Variants in FRMPD4 observed in about 807,000 individuals in gnomAD.
The protein encoded by FRMPD4 is FERM and PDZ domain containing 4, also known as FERM and PDZ domain-containing protein 4.
Under a neutral mutation model 94.1 loss-of-function variants are expected in FRMPD4, and 22 were observed. The observed-to-expected ratio is 0.23, with a 90% confidence interval of 0.17 to 0.33. The LOEUF (loss-of-function observed/expected upper bound fraction) is 0.33. FRMPD4 is among the 10% of genes least tolerant of loss of function. The pLI is 1.00. For synonymous variants in FRMPD4, 631 were observed against 548.6 expected (o/e 1.15, Z -2.10); for missense variants, 1,111 against 1,339.9 (o/e 0.83, Z 2.67).
At chrX:12,646,315 A>T (rs1361986460) in intron 4 of FRMPD4, among the ~76,000 whole-genome samples, 2 of 112,196 alleles carry the variant, frequency 1.8e-5, no homozygotes, top group Admixed American at 9.5e-5. Context: ...TTGCAGGGTT[A>T]GTGTGCCCCA....
At chrX:11,922,050 A>C (rs1461286213) in intron 3 of FRMPD4, among the ~76,000 whole-genome samples, 1 of 112,060 alleles carries the variant, frequency 8.9e-6, no homozygotes, top group Non-Finnish European at 1.9e-5. Context: ...CTCTGTCTTC[A>C]TTTCTTTGAT....
At chrX:12,532,181 A>T (rs2058292569) in intron 2 of FRMPD4, among the ~76,000 whole-genome samples, 1 of 112,327 alleles carries the variant, frequency 8.9e-6, no homozygotes, top group Non-Finnish European at 1.9e-5. Flanking sequence ...GCTGCTGAAC[A>T]ATTGCATGAC....
At chrX:11,949,406 A>C (rs1006166416) in intron 3 of FRMPD4, among the ~76,000 whole-genome samples, 2 of 111,942 alleles carry the variant, frequency 1.8e-5, no homozygotes, top group Non-Finnish European at 3.8e-5. Flanking sequence ...GAAACTTGAA[A>C]CTTCCTGAGC....
intron 3 of FRMPD4, chrX:12,054,793 A>T (rs2054844662): frequency 8.9e-6 from 1 of 112,167 alleles, no homozygotes; most frequent in Non-Finnish European, 1.9e-5. Context: ...TTTTTTAAGT[A>T]ATCTAAAATA....
chrX:12,717,938 G>C lies in FRMPD4; in HGVS notation c.3112G>C (p.Ala1038Pro), dbSNP rs775523787. ...KSKLADGEGK[A>P]PPNGNTTGKK... is the part of the protein sequence containing the mutation. ...CAAGCTGGCCGATGGTGAGGGGAAG[G>C]CACCCCCTAATGGGAACACAACAGG... Residue 1038 changes from alanine (A) to proline (P), a missense_variant, in exon 16 of 17, where the codon GCA becomes CCA. By Grantham distance (27) the Ala-to-Pro change is conservative. Coordinates refer to ENST00000675598, the MANE Select transcript of FRMPD4 (RefSeq NM_001368397.1). 8.3e-7 allele frequency: 1 copy of C among 1,210,464 alleles called. No individual in the cohort carries two copies. The highest frequency in any genetic ancestry group is 2.2e-5 in the Admixed American group (1 of 46,101).
chrX:12,368,358 G>A (rs1159374387), intron 1 of FRMPD4, among the ~76,000 whole-genome samples: 1 of 112,102 alleles, frequency 8.9e-6, no homozygotes, highest in Non-Finnish European at 1.9e-5. Flanking sequence ...TGAATATAAT[G>A]TACCACCAAA....
intron 1 of FRMPD4, among the ~76,000 whole-genome samples, chrX:12,333,859 T>C (rs2055473676): frequency 8.9e-6 from 1 of 111,905 alleles, no homozygotes; most frequent in South Asian, 3.7e-4. Flanking sequence ...TTGGTGGCTA[T>C]CTCCAAATTG....
intron 3 of FRMPD4, among the ~76,000 whole-genome samples, chrX:11,993,290 T>C (rs1601874526): frequency 9.0e-6 from 1 of 111,022 alleles, no homozygotes; most frequent in East Asian, 2.9e-4. Context: ...GGGCCATGAA[T>C]AGGAATTCTA....
chrX:12,231,002 A>AATATAT (rs3063517), intron 1 of FRMPD4, among the ~76,000 whole-genome samples: 28 of 50,742 alleles, frequency 5.5e-4, no homozygotes, highest in African/African-American at 1.8e-3. Context: ...TAGTATATAT[A>AATATAT]ATATATAGTA....
intron 3 of FRMPD4, among the ~76,000 whole-genome samples, chrX:12,053,359 G>GAAGAAAGAAAGA (rs57459327): frequency 0.014 from 726 of 51,422 alleles, 5 homozygotes; most frequent in Admixed American, 0.02. Flanking sequence ...AGGAAAGAAA[G>GAAGAAAGAAAGA]AAGAAAGAAA....
At chrX:12,599,655 T>C (rs1007589582) in intron 2 of FRMPD4, among the ~76,000 whole-genome samples, 1 of 111,860 alleles carries the variant, frequency 8.9e-6, no homozygotes, top group Non-Finnish European at 1.9e-5. Context: ...AGAGTGGGGC[T>C]TTTCAAGGGC....
intron 3 of FRMPD4, among the ~76,000 whole-genome samples, chrX:12,065,078 A>C (rs2054910799): frequency 1.8e-5 from 2 of 112,554 alleles, no homozygotes; most frequent in South Asian, 7.3e-4. Context: ...TAAAGGATGT[A>C]AAGATTCCTA....
At chrX:12,142,813 C>A (rs35927904) in intron 1 of FRMPD4, among the ~76,000 whole-genome samples, 12,314 of 111,174 alleles carry the variant, frequency 0.11, 631 homozygotes, top group South Asian at 0.29. Flanking sequence ...TTGTCTGGGG[C>A]AAGTGAGTTT....
chrX:11,923,517 C>G (rs980402194), intron 3 of FRMPD4, among the ~76,000 whole-genome samples: 8 of 111,890 alleles, frequency 7.1e-5, no homozygotes, highest in Non-Finnish European at 9.4e-5. Flanking sequence ...GGGAAGCAGG[C>G]ACCCCTGCAT....
intron 1 of FRMPD4, among the ~76,000 whole-genome samples, chrX:12,345,641 G>A (rs1019101494): frequency 8.9e-6 from 1 of 111,873 alleles, no homozygotes; most frequent in Non-Finnish European, 1.9e-5. Context: ...TTTGTGATAT[G>A]AACACATGAT....
chrX:12,243,390 G>A (rs1248525440), intron 1 of FRMPD4, among the ~76,000 whole-genome samples: 1 of 112,511 alleles, frequency 8.9e-6, no homozygotes, highest in Admixed American at 9.4e-5. Flanking sequence ...AATAACTGCA[G>A]TGCAATCCAC....
At chrX:12,682,393 C>A (rs995711732) in intron 5 of FRMPD4, among the ~76,000 whole-genome samples, 4 of 112,037 alleles carry the variant, frequency 3.6e-5, no homozygotes, top group African/African-American at 1.3e-4. Flanking sequence ...TACTAGAATT[C>A]TTTACGCAAC....
intron 1 of FRMPD4, among the ~76,000 whole-genome samples, chrX:11,836,743 G>C (rs1055423779): frequency 8.9e-6 from 1 of 111,741 alleles, no homozygotes; most frequent in Non-Finnish European, 1.9e-5. Flanking sequence ...TATGCCTGGG[G>C]TGCTATAGGA....
chrX:12,431,242 C>G (rs1008581092), intron 1 of FRMPD4, among the ~76,000 whole-genome samples: 6 of 112,397 alleles, frequency 5.3e-5, no homozygotes, highest in Non-Finnish European at 9.4e-5. Context: ...AATCAAAATG[C>G]AATGCATCCC....
Sources: allele counts gnomAD v4.1 joint callset (sites outside exome capture counted in the v4.1 genomes callset), GRCh38; gene constraint gnomAD v4.1.1; transcripts MANE v1.5; gene names NCBI Gene and HGNC (gene_info 2026-07-23, HGNC 2026-07-21).